PDE6C: variants seen among roughly 807,000 people sequenced by gnomAD.
The protein encoded by PDE6C is phosphodiesterase 6C.
PDE6C carries 75 observed loss-of-function variants against 113.1 expected under a neutral mutation model. That is an observed-to-expected ratio of 0.66 (90% CI 0.55 to 0.80). The LOEUF is 0.80. Ranked by LOEUF, PDE6C falls within the 30% of genes least tolerant of loss-of-function variation. The pLI, the probability that PDE6C is intolerant of heterozygous loss-of-function variation, is 0.00. For missense variants in PDE6C, 912 were observed against 1,038.6 expected (o/e 0.88, Z 1.67); for synonymous variants, 375 against 363.7 (o/e 1.03, Z -0.35).
intron 20 of PDE6C, 110 bp downstream of exon 20, chr10:93,662,753 T>A: frequency 2.8e-6 from 2 of 707,532 alleles, no homozygotes; most frequent in Non-Finnish European, 5.2e-6. Flanking sequence ...CATTGGGGTA[T>A]CACTGTTTCT....
At chr10:93,636,786 G>A (rs2058534315) in intron 10 of PDE6C, among the ~76,000 whole-genome samples, 1 of 152,170 alleles carries the variant, frequency 6.6e-6, no homozygotes, top group Middle Eastern at 3.4e-3. Context: ...CTTATTTTTA[G>A]AGATGGGGTC....
At chr10:93,633,709 C>T (rs1008091670) in intron 8 of PDE6C, among the ~76,000 whole-genome samples, 2 of 152,122 alleles carry the variant, frequency 1.3e-5, no homozygotes, top group Non-Finnish European at 2.9e-5. Flanking sequence ...GAATGAAAGA[C>T]TATCTTCATG....
chr10:93,632,784 C>T (rs1385075678), intron 8 of PDE6C, among the ~76,000 whole-genome samples: 2 of 152,094 alleles, frequency 1.3e-5, no homozygotes, highest in African/African-American at 4.8e-5. Context: ...AAGCTTTGAC[C>T]ATCAGGAGAC....
intron 16 of PDE6C, among the ~76,000 whole-genome samples, chr10:93,656,837 G>C (rs2058640071): frequency 6.6e-6 from 1 of 152,018 alleles, no homozygotes; most frequent in Non-Finnish European, 1.5e-5. Context: ...CCAAAGTGCT[G>C]GGATTACAGG....
intron 8 of PDE6C, 117 bp from the exon 9 acceptor site, chr10:93,634,641 C>T: frequency 9.8e-7 from 1 of 1,022,712 alleles, no homozygotes; most frequent in Non-Finnish European, 1.5e-6. Context: ...TTGTGTGAAA[C>T]TGGGTGAAGG....
At chr10:93,662,502 G>C in intron 19 of PDE6C, 58 bp from the exon 20 acceptor site, 2 of 694,198 alleles carry the variant, frequency 2.9e-6, no homozygotes, top group Non-Finnish European at 2.7e-6. Context: ...GGACAAATCA[G>C]TCTGTTTTGT....
At chr10:93,657,826 C>G (rs11187577) in intron 16 of PDE6C, among the ~76,000 whole-genome samples, 14,470 of 152,020 alleles carry the variant, frequency 0.095, 814 homozygotes, top group East Asian at 0.3. Context: ...TGCTACATTA[C>G]AAAACTGCAC....
In PDE6C at chr10:93,644,693, C is replaced by T. The variant is rs1037748310; in HGVS notation, c.1848-1267C>T. On this transcript the variant is annotated intron_variant, in intron 14 of 21. Transcript: ENST00000371447. ...TATTTGTACCCATTAATCAACCTGT[C>T]TTCATCCTTCCCACCTCCCTACCCT... is the stretch of plus-strand genomic sequence containing the variant. Among the ~76,000 whole-genome samples, 3 of 150,824 alleles carry T rather than the reference C, an allele frequency of 2.0e-5. No homozygotes were observed. The East Asian group carries it at 5.9e-4, about 29-fold the overall frequency.
intron 4 of PDE6C, among the ~76,000 whole-genome samples, chr10:93,623,585 C>T (rs1238939977): frequency 2.0e-5 from 3 of 152,070 alleles, no homozygotes; most frequent in African/African-American, 7.2e-5. Context: ...AATTTTTATA[C>T]TTTTGTGTTT....
chr10:93,664,508 G>A (rs952830151), intron 21 of PDE6C, among the ~76,000 whole-genome samples: 1 of 152,212 alleles, frequency 6.6e-6, no homozygotes, highest in Non-Finnish European at 1.5e-5. Flanking sequence ...GGTCATTTGA[G>A]AGATTTAAGG....
At chr10:93,615,060 G>A (rs1042347373) in intron 1 of PDE6C, among the ~76,000 whole-genome samples, 7 of 152,222 alleles carry the variant, frequency 4.6e-5, no homozygotes, top group African/African-American at 1.2e-4. Flanking sequence ...GGGAGGCCAC[G>A]GCGGGTGGAT....
intron 15 of PDE6C, among the ~76,000 whole-genome samples, chr10:93,649,484 T>C (rs2058599812): frequency 6.6e-6 from 1 of 152,204 alleles, no homozygotes; most frequent in Admixed American, 6.5e-5. Flanking sequence ...ACCCTGTGGA[T>C]ATACACAGGA....
intron 16 of PDE6C, 112 bp from the exon 17 acceptor site, chr10:93,658,789 G>A: frequency 1.4e-6 from 1 of 719,254 alleles, no homozygotes; most frequent in Non-Finnish European, 2.5e-6. Flanking sequence ...ACTTTGCTAT[G>A]TGGACATCAC....
intron 8 of PDE6C, among the ~76,000 whole-genome samples, chr10:93,631,251 A>C (rs2058500328): frequency 6.6e-6 from 1 of 152,102 alleles, no homozygotes; most frequent in Non-Finnish European, 1.5e-5. Flanking sequence ...GGTGCCCATG[A>C]AAATGTGCTT....
At position 93,655,782 on chromosome 10, in the gene PDE6C, T is replaced by C. The variant is rs863224908; in HGVS notation, c.1958T>C (p.Leu653Pro). 6.2e-7 allele frequency: 1 copy of C among 1,603,252 alleles called. No individual in the cohort carries two copies. The highest frequency in any genetic ancestry group is 1.7e-5 in the Admixed American group (1 of 59,998). The part of the protein sequence containing the change: ...QDESLNIFQN[L>P]NKRQFETVIH... ...CAGAGTTTAAACATCTTCCAGAACCTAAATAAGCGGCAGTTTGAAACAGTT... is the reference window on the plus strand; with the variant it reads ...CAGAGTTTAAACATCTTCCAGAACCCAAATAAGCGGCAGTTTGAAACAGTT... The change falls in exon 16 of 22, where the codon CTA (leucine) becomes CCA (proline). Residue 653 changes from leucine to proline, a missense_variant. By Grantham distance (98) the Leu-to-Pro change is moderately conservative (BLOSUM62 -3). Transcript: ENST00000371447.
intron 18 of PDE6C, among the ~76,000 whole-genome samples, chr10:93,660,750 A>G (rs2058662395): frequency 6.6e-6 from 1 of 152,082 alleles, no homozygotes; most frequent in South Asian, 2.1e-4. Context: ...CCAAGCTAGA[A>G]ACCTGGGGTC....
rs760343056 is a variant in PDE6C, at chr10:93,662,134, G to C, written c.2283+1G>C. ...AACAGTGTTGCAGCAACAACCCATT[G>C]TAAGACCTTGACATAAAAATGTATT... On this transcript the variant is annotated splice_donor_variant, in intron 19 of 21. Coordinates refer to ENST00000371447, the MANE Select transcript of PDE6C (RefSeq NM_006204.4). LOFTEE classifies it high-confidence loss of function. The C allele has an allele frequency of 3.2e-6, 5 of 1,584,456 alleles. No individual in the cohort carries two copies. The highest frequency in any genetic ancestry group is 4.3e-6 in the Non-Finnish European group (5 of 1,153,204).
intron 15 of PDE6C, among the ~76,000 whole-genome samples, chr10:93,655,407 C>A (rs1282758830): frequency 2.0e-5 from 3 of 151,988 alleles, no homozygotes; most frequent in Non-Finnish European, 4.4e-5. Flanking sequence ...TAAAGCTTCT[C>A]AATTAATACA....
At chr10:93,626,977 G>A (rs933251757) in intron 7 of PDE6C, 106 bp downstream of exon 7, 1 of 1,039,678 alleles carries the variant, frequency 9.6e-7, no homozygotes, top group Middle Eastern at 2.5e-4. Flanking sequence ...ATAAAAGCTA[G>A]ATGGGCCGGG....
Sources: allele counts gnomAD v4.1 joint callset (sites outside exome capture counted in the v4.1 genomes callset), GRCh38; gene constraint gnomAD v4.1.1; transcripts MANE v1.5; gene names NCBI Gene and HGNC (gene_info 2026-07-23, HGNC 2026-07-21).